ENPP1: variants seen among roughly 807,000 people sequenced by gnomAD.
ENPP1 encodes ectonucleotide pyrophosphatase/phosphodiesterase family member 1.
In ENPP1, 73 loss-of-function variants were observed where a neutral mutation model predicts 122.8. The ratio of observed to expected loss-of-function variants is 0.59; its 90% CI spans 0.49 to 0.72. ENPP1 has a LOEUF of 0.72. Ranked by LOEUF, ENPP1 falls within the 30% of genes least tolerant of loss-of-function variation. The pLI, the probability that ENPP1 is intolerant of heterozygous loss-of-function variation, is 0.00. For synonymous variants in ENPP1, 367 were observed against 391.6 expected (o/e 0.94, Z 0.74); for missense variants, 978 against 1,128.1 (o/e 0.87, Z 1.91).
chr6:131,874,230 AG>A lies in ENPP1; in HGVS notation c.1566-36del. 2.7e-6 allele frequency: 3 copies of A among 1,106,446 alleles called. No individual in the cohort carries two copies. In the African/African-American group the frequency reaches 4.6e-5, roughly 17 times the overall value. 68.5% of individuals were successfully genotyped at this position (1,106,446 alleles called of 1,614,324 possible). A position where few individuals can be genotyped will look rare whatever the true frequency, so the allele number is the denominator to read the frequency against. Reference sequence around the variant, plus strand: ...ATGATTATCAATTATGTTTTATGAAAGGACTTTACATTTTTAATTCATATAT... The same window carrying A: ...ATGATTATCAATTATGTTTTATGAAAGACTTTACATTTTTAATTCATATAT... On this transcript the variant is annotated intron_variant, in intron 15 of 24. Transcript: ENST00000647893.
chr6:131,838,358 G>T (rs1781701720), intron 1 of ENPP1, among the ~76,000 whole-genome samples: 1 of 152,092 alleles, frequency 6.6e-6, no homozygotes, highest in Non-Finnish European at 1.5e-5. Context: ...GACATGTGCA[G>T]ACTAACGAAT....
At chr6:131,820,017 ATC>A in intron 1 of ENPP1, 2 of 561,078 alleles carry the variant, frequency 3.6e-6, no homozygotes, top group Non-Finnish European at 6.9e-6. Context: ...CCCATAAGAA[ATC>A]TGTTATCAAA....
At chr6:131,808,544 A>G (rs1339442053) in intron 1 of ENPP1, among the ~76,000 whole-genome samples, 1 of 152,238 alleles carries the variant, frequency 6.6e-6, no homozygotes, top group Non-Finnish European at 1.5e-5. Context: ...GGTCATCCTT[A>G]GAAATACTCG....
At position 131,891,854 on chromosome 6, in the gene ENPP1, C is replaced by T. The variant is rs1782476022; in HGVS notation, c.*1343C>T. 7.3e-6 allele frequency: 1 copy of T among 136,094 alleles called. No homozygotes were observed. The highest frequency in any genetic ancestry group is 2.7e-5 in the African/African-American group (1 of 36,696). The allele number at this position is 136,094 out of a possible 1,614,324, so 8.4% of individuals were successfully genotyped here. On this transcript the variant is annotated 3_prime_UTR_variant, in exon 25 of 25. Coordinates refer to ENST00000647893, the MANE Select transcript of ENPP1 (RefSeq NM_006208.3). ...GTTCAGATTAGGTAATTTTATTCTTCTGTCTCGAAGCTCACTGATTCTTTA... is the reference window on the plus strand; with the variant it reads ...GTTCAGATTAGGTAATTTTATTCTTTTGTCTCGAAGCTCACTGATTCTTTA...
chr6:131,811,374 CTATATA>C (rs139988276), intron 1 of ENPP1, among the ~76,000 whole-genome samples: 2 of 86,956 alleles, frequency 2.3e-5, no homozygotes, highest in East Asian at 2.5e-4. Context: ...ATATCTATAT[CTATATA>C]TCTATATCTA....
chr6:131,871,484 C>T (rs1782161648), intron 13 of ENPP1, among the ~76,000 whole-genome samples: 1 of 152,200 alleles, frequency 6.6e-6, no homozygotes, highest in Non-Finnish European at 1.5e-5. Flanking sequence ...AAAGAAACAG[C>T]TTCCCACCTG....
chr6:131,827,564 T>A, intron 1 of ENPP1: 1 of 599,266 alleles, frequency 1.7e-6, no homozygotes, highest in Non-Finnish European at 3.1e-6. Context: ...ACAGTCAATT[T>A]AAAGAGTGAT....
chr6:131,845,232 C>T (rs1488817388), intron 1 of ENPP1, among the ~76,000 whole-genome samples: 17 of 151,316 alleles, frequency 1.1e-4, no homozygotes, highest in Admixed American at 1.1e-3. Flanking sequence ...GGGGTTTCAC[C>T]ATCTTGGCCA....
At chr6:131,812,641 T>C (rs1021884037) in intron 1 of ENPP1, among the ~76,000 whole-genome samples, 8 of 152,220 alleles carry the variant, frequency 5.3e-5, no homozygotes, top group African/African-American at 1.9e-4. Flanking sequence ...GATGAGTGAC[T>C]GTGGCTCGGG....
rs529026027 is a variant in ENPP1 at position 131,872,037 on chromosome 6, C to T, written c.1406-33C>T. 3.0e-5 allele frequency: 44 copies of T among 1,475,134 alleles called. No individual in the cohort carries two copies. In the African/African-American group the frequency reaches 5.7e-4, roughly 19 times the overall value. 91.4% of individuals were successfully genotyped at this position (1,475,134 alleles called of 1,614,324 possible). A position where few individuals can be genotyped will look rare whatever the true frequency, so the allele number is the denominator to read the frequency against. On this transcript the variant is annotated intron_variant, in intron 13 of 24. Coordinates refer to ENST00000647893, the MANE Select transcript of ENPP1 (RefSeq NM_006208.3). Reference sequence around the variant, plus strand: ...TTATGTTTTAATTATAGTATACAATCAACTATTAATTCTTATGTTTGTTCC... The same window carrying T: ...TTATGTTTTAATTATAGTATACAATTAACTATTAATTCTTATGTTTGTTCC...
intron 2 of ENPP1, among the ~76,000 whole-genome samples, chr6:131,848,958 G>T (rs999808558): frequency 2.6e-5 from 4 of 152,010 alleles, no homozygotes; most frequent in Non-Finnish European, 4.4e-5. Context: ...TGTCTTTTTG[G>T]GTCAGAACAC....
intron 13 of ENPP1, 92 bp downstream of exon 13, chr6:131,869,581 C>T: frequency 7.1e-6 from 10 of 1,400,806 alleles, no homozygotes; most frequent in Non-Finnish European, 1.0e-5. Flanking sequence ...GTAATCGCAG[C>T]ACTTTGGGAG....
chr6:131,813,494 C>T (rs978807112), intron 1 of ENPP1, among the ~76,000 whole-genome samples: 2 of 151,392 alleles, frequency 1.3e-5, no homozygotes, highest in Non-Finnish European at 2.9e-5. Flanking sequence ...TGCACCATTA[C>T]ACTCCAGCCT....
intron 18 of ENPP1, among the ~76,000 whole-genome samples, chr6:131,878,312 C>T (rs534118134): frequency 3.3e-5 from 5 of 152,010 alleles, no homozygotes; most frequent in Non-Finnish European, 7.4e-5. Context: ...GGGAGGATTG[C>T]TTGAGCCCAG....
chr6:131,867,872 T>A (rs939729832), intron 11 of ENPP1, 146 bp from the exon 12 acceptor site: 19 of 655,738 alleles, frequency 2.9e-5, no homozygotes, highest in Non-Finnish European at 4.6e-5. Flanking sequence ...TGTAGTTGCA[T>A]CCACTGGCCC....
intron 11 of ENPP1, among the ~76,000 whole-genome samples, chr6:131,866,645 T>G (rs1431459889): frequency 6.6e-6 from 1 of 152,190 alleles, no homozygotes; most frequent in Non-Finnish European, 1.5e-5. Context: ...TTTTACCCTT[T>G]GTATTCTTTC....
intron 18 of ENPP1, chr6:131,877,866 A>AAAAATATATAT (rs1562183349): frequency 9.4e-5 from 5 of 53,024 alleles, no homozygotes; most frequent in African/African-American, 3.7e-4. Flanking sequence ...AAAAAAAAAA[A>AAAAATATATAT]ATATATATAT....
At position 131,873,340 on chromosome 6, in the gene ENPP1, G is replaced by A. The variant is rs74958472; in HGVS notation, c.1565+290G>A. On this transcript the variant is annotated intron_variant, in intron 15 of 24. Transcript: ENST00000647893. ...GTGACAACCAAAAATGTCCGTCAGC[G>A]TTGCCAAAAGTCCCATGGGGAGGAA... Among the ~76,000 whole-genome samples, 2,567 of 152,132 alleles carry A rather than the reference G, an allele frequency of 0.017. 72 individuals are homozygous for A. Among genetic ancestry groups the A allele is most frequent in the African/African-American group, 0.057 (2,373 of 41,490 alleles).
chr6:131,887,684 G>A (rs1458437237), intron 24 of ENPP1, among the ~76,000 whole-genome samples: 4 of 146,748 alleles, frequency 2.7e-5, no homozygotes, highest in African/African-American at 7.7e-5. Context: ...TCAGCCTCCC[G>A]AGTAGCTGGG....
Sources: gnomAD v4.1 joint callset for allele counts (sites outside exome capture counted in the v4.1 genomes callset) on GRCh38, gnomAD v4.1.1 for gene constraint, MANE v1.5 for transcripts, NCBI Gene and HGNC (gene_info 2026-07-23, HGNC 2026-07-21) for gene names.